NEK5: variants seen among roughly 807,000 people sequenced by gnomAD.
NEK5 encodes the protein NIMA related kinase 5.
A neutral mutation model predicts 109.2 loss-of-function variants in NEK5; 88 were observed. The observed-to-expected ratio is 0.81, with a 90% CI of 0.68 to 0.96. NEK5 has a LOEUF of 0.96. Ranked by LOEUF, NEK5 falls within the 40% of genes least tolerant of loss-of-function variation. The probability of loss-of-function intolerance (pLI) is 0.00; values close to 1 mark genes in which losing one functional copy is unlikely to be tolerated. For missense variants in NEK5, 834 were observed against 920.7 expected, an observed-to-expected ratio of 0.91 and a Z score of 1.22; for synonymous variants, 283 against 299.9, an observed-to-expected ratio of 0.94 and a Z score of 0.58.
intron 8 of NEK5, among the ~76,000 whole-genome samples, chr13:52,105,789 C>G (rs1325819942): frequency 6.6e-6 from 1 of 152,154 alleles, no homozygotes; most frequent in African/African-American, 2.4e-5. Context: ...GAGCCAGCGG[C>G]TACCCACCTG....
At chr13:52,037,587 C>T (rs1312220687) in intron 23 of NEK5, among the ~76,000 whole-genome samples, 1 of 152,140 alleles carries the variant, frequency 6.6e-6, no homozygotes, top group East Asian at 1.9e-4. Flanking sequence ...TTGAGGTAGA[C>T]ATTATCATCA....
In NEK5 at chr13:52,038,661, T is replaced by C. The variant is rs139951591; in HGVS notation, c.2229-1443A>G. On this transcript the variant is annotated intron_variant, in intron 23 of 23. Transcript: ENST00000684899. The stretch of plus-strand genomic sequence containing the variant: ...TGTGTTACCCAGGCTGGTCATAAAC[T>C]ACTGTGTTCAAACAATCCTCTCACC... Among the ~76,000 whole-genome samples, 170 of 151,862 alleles carry C rather than the reference T, an allele frequency of 1.1e-3. 1 individual carries two copies. Among genetic ancestry groups the C allele is most frequent in the Non-Finnish European group, 1.6e-3 (110 of 67,898 alleles).
intron 21 of NEK5, chr13:52,065,210 C>T: frequency 5.8e-6 from 3 of 519,246 alleles, no homozygotes; most frequent in Non-Finnish European, 1.0e-5. Context: ...AGTCAGCTGT[C>T]CTTCCTCACG....
chr13:52,075,444 C>A lies in NEK5; in HGVS notation c.1722+314G>T, dbSNP rs146508854. On this transcript the variant is annotated intron_variant, in intron 19 of 23. Coordinates refer to ENST00000684899, the MANE Select transcript of NEK5 (RefSeq NM_001365552.1). Reference sequence around the variant, plus strand: ...ATAAGTGGGAGCTAAACATTGGGTACTCATGGACATAAAGATAGCAACAAT... The same window carrying A: ...ATAAGTGGGAGCTAAACATTGGGTAATCATGGACATAAAGATAGCAACAAT... Among the ~76,000 whole-genome samples, 275 of 152,178 alleles carry A rather than the reference C, an allele frequency of 1.8e-3. 2 individuals carry two copies. The highest frequency in any genetic ancestry group is 6.2e-3 in the African/African-American group (257 of 41,540).
At position 52,089,275 on chromosome 13, in the gene NEK5, T is replaced by C. The variant is rs754257592; in HGVS notation, c.1247A>G (p.Gln416Arg). ...EYLQRKFEAQ[Q>R]YKLKVEKQLG... is the part of the protein sequence containing the mutation. ...TTGCTTCTCCACTTTCAACTTATAT[T>C]GTTGAGCTTCAAATTTTCTCTGAAG... The change falls in exon 14 of 24, where the codon CAA becomes CGA. Residue 416 changes from glutamine (Q) to arginine (R), a missense_variant. Around this residue, in one of 2 missense-constraint regions of NEK5, gnomAD observed 777 missense variants for 824.7 expected, o/e 0.94. Transcript: ENST00000684899. 6.2e-6 allele frequency: 10 copies of C among 1,607,306 alleles called. No homozygotes were observed. The highest frequency in any genetic ancestry group is 8.5e-6 in the Non-Finnish European group (10 of 1,174,130).
Position 52,071,983 on chromosome 13 carries a change from T to TATA in NEK5, c.1807_1809dup (p.Tyr603dup). ...TGAAGTTTTTCAAATGCTTTGTCTG[T>TATA]ATAATCTCCATGCTCCTTTACACAT... On this transcript the variant is annotated inframe_insertion, in exon 20 of 24. Transcript: ENST00000684899. 6.2e-7 allele frequency: 1 copy of TATA among 1,612,660 alleles called. No homozygotes were observed. Among genetic ancestry groups the TATA allele is most frequent in the Non-Finnish European group, 8.5e-7 (1 of 1,178,740 alleles).
intron 14 of NEK5, among the ~76,000 whole-genome samples, chr13:52,088,216 A>ACCGCACCTGGCCCCT (rs1555312569): frequency 2.0e-5 from 3 of 151,870 alleles, no homozygotes; most frequent in African/African-American, 2.4e-5. Context: ...GGCATGAGCC[A>ACCGCACCTGGCCCCT]TAATATCTGG....
intron 22 of NEK5, among the ~76,000 whole-genome samples, chr13:52,058,690 C>A (rs922033962): frequency 1.9e-4 from 29 of 152,008 alleles, no homozygotes; most frequent in African/African-American, 6.7e-4. Context: ...CTGACAAAAA[C>A]AAGCAATGGG....
At position 52,099,851 on chromosome 13, in the gene NEK5, G is replaced by A. The variant is rs1043710691; in HGVS notation, c.918C>T (p.Phe306=). ...TTGATCTTGGTGGGCACTTTCCCTG[G>A]AATCTCACTTTTTGTATTTTACACT... ...VQKCKIQKVR[F]QGKCPPRSRI... is the part of the protein sequence containing the mutation. Residue 306 remains phenylalanine, a synonymous_variant, in exon 12 of 24, where the codon TTC becomes TTT. Coordinates refer to ENST00000684899, the MANE Select transcript of NEK5 (RefSeq NM_001365552.1). 1.2e-6 allele frequency: 2 copies of A among 1,613,284 alleles called. No homozygotes were observed. The highest frequency in any genetic ancestry group is 8.5e-7 in the Non-Finnish European group (1 of 1,179,638).
chr13:52,069,248 G>A (rs1954745611), intron 20 of NEK5, among the ~76,000 whole-genome samples: 1 of 152,042 alleles, frequency 6.6e-6, no homozygotes, highest in Non-Finnish European at 1.5e-5. Context: ...GCTCCTGAAG[G>A]GCCAAATCCC....
chr13:52,066,083 T>C (rs1177596646), intron 20 of NEK5, among the ~76,000 whole-genome samples: 10 of 152,178 alleles, frequency 6.6e-5, no homozygotes, highest in Non-Finnish European at 1.3e-4. Context: ...CTTCTGCATA[T>C]GGTTTTTGCT....
chr13:52,080,361 C>T (rs1240739605), intron 17 of NEK5, among the ~76,000 whole-genome samples: 2 of 151,606 alleles, frequency 1.3e-5, no homozygotes, highest in East Asian at 2.0e-4. Flanking sequence ...AGAAGCCCCT[C>T]TGCCCGGCCA....
chr13:52,037,292 C>G (rs974401276), intron 23 of NEK5, 74 bp from the exon 24 acceptor site: 7 of 695,978 alleles, frequency 1.0e-5, no homozygotes, highest in Middle Eastern at 7.2e-4. Context: ...ACTCGTTTCC[C>G]TTTTCTCCAT....
At chr13:52,088,616 C>T (rs1442400801) in intron 14 of NEK5, among the ~76,000 whole-genome samples, 1 of 152,036 alleles carries the variant, frequency 6.6e-6, no homozygotes, top group Non-Finnish European at 1.5e-5. Flanking sequence ...CACTACAGCA[C>T]TGCAAGGAAA....
chr13:52,125,951 T>C (rs996384218), intron 3 of NEK5, among the ~76,000 whole-genome samples: 3 of 152,228 alleles, frequency 2.0e-5, no homozygotes, highest in African/African-American at 4.8e-5. Context: ...AGTCATCTAC[T>C]CTTGAGCTTT....
intron 20 of NEK5, among the ~76,000 whole-genome samples, chr13:52,069,074 A>T (rs1954741218): frequency 6.6e-6 from 1 of 152,210 alleles, no homozygotes. Flanking sequence ...ACAGGAATAC[A>T]GATTAAAATG....
At chr13:52,128,358 G>A (rs1202076220) in intron 1 of NEK5, among the ~76,000 whole-genome samples, 2 of 152,066 alleles carry the variant, frequency 1.3e-5, no homozygotes, top group African/African-American at 4.8e-5. Flanking sequence ...CTGCCGTCAC[G>A]TTCAGGCGAC....
chr13:52,095,224 T>C (rs1468697885), intron 12 of NEK5, among the ~76,000 whole-genome samples: 1 of 152,236 alleles, frequency 6.6e-6, no homozygotes. Context: ...CGTGAGCCAC[T>C]GCACCTGCCT....
In NEK5 at chr13:52,037,922, C is replaced by CAAA. The variant is rs58843405; in HGVS notation, c.2229-707_2229-705dup. On this transcript the variant is annotated intron_variant, in intron 23 of 23. Coordinates refer to ENST00000684899, the MANE Select transcript of NEK5 (RefSeq NM_001365552.1). ...TGGGCGACAGAGCGAGACTCCGTCT[C>CAAA]AAAAAAAAAAAATGTGTTGAAGGTC... Among the ~76,000 whole-genome samples the CAAA allele has an allele frequency of 1.9e-3, 264 of 141,686 alleles. 2 individuals carry two copies. The highest frequency in any genetic ancestry group is 3.8e-3 in the East Asian group (18 of 4,760). The allele number at this position is 141,686 out of a possible 152,430, so 93.0% of individuals were successfully genotyped here.
Sources: gnomAD v4.1 joint callset for allele counts (sites outside exome capture counted in the v4.1 genomes callset) on GRCh38, gnomAD v4.1.1 for gene constraint, gnomAD v4.1.1 regional missense constraint, MANE v1.5 for transcripts, NCBI Gene and HGNC (gene_info 2026-07-23, HGNC 2026-07-21) for gene names.